ATP2C1: variants seen among roughly 807,000 people sequenced by gnomAD.
The protein encoded by ATP2C1 is ATPase secretory pathway Ca2+ transporting 1, also known as calcium-transporting ATPase type 2C member 1.
Under a neutral mutation model 120.5 loss-of-function variants are expected in ATP2C1, and 31 were observed. The ratio of observed to expected loss-of-function variants is 0.26; its 90% CI spans 0.19 to 0.35. The LOEUF (loss-of-function observed/expected upper bound fraction) is 0.35, where lower values mean the gene tolerates loss of function less well. Among genes scored for constraint, ATP2C1 ranks in the 10% least tolerant of loss-of-function variants. The pLI, the probability that ATP2C1 is intolerant of heterozygous loss-of-function variation, is 1.00. For synonymous variants in ATP2C1, 351 were observed against 358.7 expected, an observed-to-expected ratio of 0.98 and a Z score of 0.24; for missense variants, 731 against 1,107.5, an observed-to-expected ratio of 0.66 and a Z score of 4.83.
At chr3:130,904,232 A>G (rs922657450) in intron 2 of ATP2C1, among the ~76,000 whole-genome samples, 1 of 152,052 alleles carries the variant, frequency 6.6e-6, no homozygotes, top group African/African-American at 2.4e-5. Context: ...TATTAAAACC[A>G]GGACATTCAC....
chr3:131,015,648 C>T (rs1243089196), intron 26 of ATP2C1, among the ~76,000 whole-genome samples: 4 of 152,158 alleles, frequency 2.6e-5, no homozygotes, highest in Admixed American at 2.6e-4. Context: ...TTTGTCCCTA[C>T]ACCCTAGCAC....
chr3:130,941,621 TG>T lies in ATP2C1; in HGVS notation c.454del (p.Ala152ProfsTer37). On this transcript the variant is annotated frameshift_variant, in exon 8 of 28. Transcript: ENST00000510168. LOFTEE classifies it high-confidence loss of function. ...GTGAAGGAAAATTGGAGCATACACT[TG>T]CCCGAGACTTGGTTCCAGGTGATAC... Reference protein sequence around the residue: ...VREGKLEHTLARDLVPGDTVC... With the variant: ...VREGKLEHTLXRDLVPGDTVC... The T allele has an allele frequency of 6.2e-7, 1 of 1,614,116 alleles. No individual in the cohort carries two copies. Among genetic ancestry groups the T allele is most frequent in the Non-Finnish European group, 8.5e-7 (1 of 1,180,024 alleles).
downstream of ATP2C1, among the ~76,000 whole-genome samples, chr3:131,004,742 T>A (rs1481962661): frequency 1.3e-5 from 2 of 152,132 alleles, no homozygotes; most frequent in African/African-American, 4.8e-5. Context: ...TGAGAAGCAG[T>A]AGGACAGTGC....
At chr3:130,980,419 C>G (rs957603859) in intron 19 of ATP2C1, among the ~76,000 whole-genome samples, 163 bp from the exon 20 acceptor site, 1 of 151,976 alleles carries the variant, frequency 6.6e-6, no homozygotes. Context: ...AAATGAAAGT[C>G]AAACATAAAA....
chr3:130,962,402 C>T (rs1576898530), intron 12 of ATP2C1, among the ~76,000 whole-genome samples: 3 of 151,856 alleles, frequency 2.0e-5, no homozygotes, highest in African/African-American at 4.8e-5. Context: ...GATTAATAAG[C>T]TAGCGCCTGT....
intron 2 of ATP2C1, among the ~76,000 whole-genome samples, chr3:130,923,475 C>T (rs1182574483): frequency 6.6e-6 from 1 of 152,058 alleles, no homozygotes; most frequent in Non-Finnish European, 1.5e-5. Context: ...TGTCAGCCTT[C>T]CAAAGTGCTG....
At chr3:130,882,692 C>T (rs1473957923) in intron 1 of ATP2C1, among the ~76,000 whole-genome samples, 2 of 152,086 alleles carry the variant, frequency 1.3e-5, no homozygotes, top group Non-Finnish European at 2.9e-5. Context: ...TCCTTGCATC[C>T]CAAGGATAAG....
exon 27 of ATP2C1, chr3:131,016,261 C>T (rs1337969144): frequency 6.2e-7 from 1 of 1,614,088 alleles, no homozygotes; most frequent in South Asian, 1.1e-5. Flanking sequence ...CAGTCTTGTG[C>T]CCAGCCGTGT....
intron 2 of ATP2C1, among the ~76,000 whole-genome samples, chr3:130,897,663 C>T (rs911219656): frequency 2.0e-5 from 3 of 152,100 alleles, no homozygotes; most frequent in Non-Finnish European, 4.4e-5. Context: ...TGTGTTGGTT[C>T]CTTCAGCAAT....
At chr3:130,889,344 T>A (rs535377957), upstream of ATP2C1, among the ~76,000 whole-genome samples, 1 of 152,352 alleles carries the variant, frequency 6.6e-6, no homozygotes, top group African/African-American at 2.4e-5. Flanking sequence ...ATGACCTTAT[T>A]CGAGGACCTA....
At chr3:131,010,284 G>C (rs1200310687) in intron 26 of ATP2C1, among the ~76,000 whole-genome samples, 1 of 150,342 alleles carries the variant, frequency 6.7e-6, no homozygotes, top group South Asian at 2.1e-4. Context: ...TCTGCATCCC[G>C]GGTTCACACC....
At chr3:130,850,854 T>A in exon 1 of ATP2C1, 1 of 1,450,150 alleles carries the variant, frequency 6.9e-7, no homozygotes, top group Non-Finnish European at 9.1e-7. Context: ...TAGATTCTCT[T>A]ATTTCAAAAA....
chr3:130,851,177 G>GAA (rs1460244508), intron 1 of ATP2C1, among the ~76,000 whole-genome samples: 1 of 152,138 alleles, frequency 6.6e-6, no homozygotes. Context: ...TTCTTCTAAA[G>GAA]AGCTACTCTA....
intron 2 of ATP2C1, among the ~76,000 whole-genome samples, chr3:130,910,559 A>G (rs199770090): frequency 1.6e-5 from 2 of 124,654 alleles, no homozygotes; most frequent in African/African-American, 6.2e-5. Context: ...GTTTTTGCCC[A>G]TTCAGTATGA....
intron 1 of ATP2C1, among the ~76,000 whole-genome samples, chr3:130,881,602 T>A (rs777890683): frequency 6.6e-6 from 1 of 152,204 alleles, no homozygotes; most frequent in Non-Finnish European, 1.5e-5. Context: ...GGAAAGTCAT[T>A]GGCATTTTGG....
chr3:130,951,979 C>T (rs932704203), intron 8 of ATP2C1, among the ~76,000 whole-genome samples: 1 of 152,128 alleles, frequency 6.6e-6, no homozygotes, highest in African/African-American at 2.4e-5. Flanking sequence ...GCCTAACACA[C>T]AAACACACCA....
intron 11 of ATP2C1, among the ~76,000 whole-genome samples, chr3:130,958,351 T>A (rs1461281114): frequency 1.3e-4 from 20 of 152,090 alleles, no homozygotes; most frequent in Admixed American, 4.6e-4. Context: ...AATAAATGAG[T>A]GTGGCTATGT....
chr3:130,957,264 C>T (rs1272387791), intron 11 of ATP2C1, among the ~76,000 whole-genome samples: 1 of 152,150 alleles, frequency 6.6e-6, no homozygotes, highest in Non-Finnish European at 1.5e-5. Flanking sequence ...TTCCCAACCT[C>T]ATGTTTATAA....
At chr3:130,996,205 A>G (rs1000476110) in intron 23 of ATP2C1, 94 bp downstream of exon 23, 11 of 935,850 alleles carry the variant, frequency 1.2e-5, no homozygotes, top group Non-Finnish European at 1.9e-5. Flanking sequence ...TCTCTGCCTT[A>G]TATTTGTGAG....
Sources: gnomAD v4.1 joint callset for allele counts (sites outside exome capture counted in the v4.1 genomes callset) on GRCh38, gnomAD v4.1.1 for gene constraint, MANE v1.5 for transcripts, NCBI Gene and HGNC (gene_info 2026-07-23, HGNC 2026-07-21) for gene names.